Variants in GCNT2 observed in about 807,000 individuals in gnomAD.
The protein encoded by GCNT2 is N-acetyllactosaminide beta-1,6-N-acetylglucosaminyl-transferase.
In GCNT2, 34 loss-of-function variants were observed where a neutral mutation model predicts 34.2. The ratio of observed to expected loss-of-function variants is 1.00; its 90% confidence interval spans 0.76 to 1.32. GCNT2 has a LOEUF of 1.32. Ranked by LOEUF, GCNT2 falls within the 40% of genes most tolerant of loss-of-function variation. The probability of loss-of-function intolerance (pLI) is 0.00; values close to 1 mark genes in which losing one functional copy is unlikely to be tolerated. For synonymous variants in GCNT2, 212 were observed against 188.0 expected, an observed-to-expected ratio of 1.13 and a Z score of -1.04; for missense variants, 584 against 489.4, an observed-to-expected ratio of 1.19 and a Z score of -1.82.
intron 2 of GCNT2, 28 bp from the exon 3 acceptor site, chr6:10,528,603 C>A: frequency 2.4e-6 from 1 of 424,478 alleles, no homozygotes; most frequent in Non-Finnish European, 4.4e-6. Flanking sequence ...GAATCAGAAC[C>A]TCTCTGAGGA....
intron 3 of GCNT2, among the ~76,000 whole-genome samples, chr6:10,589,606 G>T (rs1193880526): frequency 6.6e-6 from 1 of 152,104 alleles, no homozygotes; most frequent in Non-Finnish European, 1.5e-5. Context: ...GTGGCCCTTG[G>T]TTCATGTTCT....
chr6:10,607,050 G>A (rs928088613), intron 3 of GCNT2, among the ~76,000 whole-genome samples: 5 of 151,988 alleles, frequency 3.3e-5, no homozygotes, highest in African/African-American at 1.2e-4. Context: ...GGGTTCAAGC[G>A]ATTCTCCTGC....
chr6:10,568,944 A>G (rs78219276), intron 3 of GCNT2, among the ~76,000 whole-genome samples: 1 of 151,990 alleles, frequency 6.6e-6, no homozygotes, highest in East Asian at 1.9e-4. Flanking sequence ...ATTTTTTCCC[A>G]ATTTTATACC....
At chr6:10,550,501 T>C (rs1762437777) in intron 3 of GCNT2, among the ~76,000 whole-genome samples, 1 of 152,108 alleles carries the variant, frequency 6.6e-6, no homozygotes, top group Admixed American at 6.6e-5. Flanking sequence ...ATTATTATTA[T>C]TATTATTGAG....
At chr6:10,530,993 G>A (rs544524769) in intron 3 of GCNT2, among the ~76,000 whole-genome samples, 2 of 150,244 alleles carry the variant, frequency 1.3e-5, no homozygotes, top group East Asian at 1.9e-4. Context: ...GGCGGAGGTT[G>A]CAGTGAGCCA....
At chr6:10,560,328 C>A (rs539924611) in intron 3 of GCNT2, among the ~76,000 whole-genome samples, 1 of 152,050 alleles carries the variant, frequency 6.6e-6, no homozygotes, top group Admixed American at 6.6e-5. Flanking sequence ...TGAGCTCAGG[C>A]GATCCGCCCA....
intron 3 of GCNT2, among the ~76,000 whole-genome samples, chr6:10,580,197 C>G (rs962812349): frequency 3.3e-5 from 5 of 151,918 alleles, no homozygotes; most frequent in Non-Finnish European, 7.3e-5. Flanking sequence ...TCAGGTTTCT[C>G]ACTTCTCTGA....
rs58031286 is a variant in GCNT2 at position 10,539,557 on chromosome 6, G to A, written c.925+9721G>A. On this transcript the variant is annotated intron_variant, in intron 3 of 4. Coordinates refer to ENST00000495262, the MANE Select transcript of GCNT2 (RefSeq NM_145649.5). ...CCTGATTCTTCATCTATATCCTGGG[G>A]ATAAAATATCTCTTTGTAGGACTGT... Among the ~76,000 whole-genome samples, 553 of 152,084 alleles carry A rather than the reference G, an allele frequency of 3.6e-3. 3 individuals are homozygous for A. The highest frequency in any genetic ancestry group is 0.013 in the African/African-American group (521 of 41,488).
In GCNT2 at chr6:10,627,404, G is replaced by A. The variant is rs1197359483; in HGVS notation, c.*797G>A. The A allele has an allele frequency of 6.6e-6, 1 of 152,142 alleles. No homozygotes were observed. The highest frequency in any genetic ancestry group is 1.5e-5 in the Non-Finnish European group (1 of 68,032). The allele number at this position is 152,142 out of a possible 1,614,324, so 9.4% of individuals were successfully genotyped here. ...TCACATAGATCTAGTCTGAAGTCTG[G>A]AACACTTTCCTCTTCTATGACCCCT... On this transcript the variant is annotated 3_prime_UTR_variant, in exon 5 of 5. Coordinates refer to ENST00000495262, the MANE Select transcript of GCNT2 (RefSeq NM_145649.5).
chr6:10,614,328 G>A (rs1467705696), intron 3 of GCNT2, among the ~76,000 whole-genome samples: 4 of 152,098 alleles, frequency 2.6e-5, no homozygotes, highest in Non-Finnish European at 4.4e-5. Context: ...GTTGGTGCTT[G>A]CTAAGAAGGT....
intron 3 of GCNT2, among the ~76,000 whole-genome samples, chr6:10,619,782 G>C (rs552594341): frequency 6.6e-6 from 1 of 152,332 alleles, no homozygotes; most frequent in East Asian, 1.9e-4. Context: ...ACAAAAGCCT[G>C]ACCAGGCTGA....
At chr6:10,590,433 A>G (rs1481467773) in intron 3 of GCNT2, among the ~76,000 whole-genome samples, 1 of 150,660 alleles carries the variant, frequency 6.6e-6, no homozygotes. Flanking sequence ...TAAGCTCTTC[A>G]TGTGGCATGA....
chr6:10,552,315 A>C (rs1420749907), intron 3 of GCNT2, among the ~76,000 whole-genome samples: 4 of 151,546 alleles, frequency 2.6e-5, no homozygotes, highest in Non-Finnish European at 4.4e-5. Flanking sequence ...AAAAAAAAAA[A>C]ATTTACAAAC....
At chr6:10,566,691 G>A (rs1198874861) in intron 3 of GCNT2, among the ~76,000 whole-genome samples, 1 of 152,198 alleles carries the variant, frequency 6.6e-6, no homozygotes, top group Non-Finnish European at 1.5e-5. Flanking sequence ...TTTACACTTA[G>A]CATACCTCGG....
chr6:10,582,622 A>T (rs984801466), intron 3 of GCNT2, among the ~76,000 whole-genome samples: 11 of 140,754 alleles, frequency 7.8e-5, no homozygotes, highest in South Asian at 2.1e-4. Context: ...AAATATATAT[A>T]TTTTTTTTCC....
chr6:10,523,993 A>C (rs1761063186), intron 1 of GCNT2, among the ~76,000 whole-genome samples: 4 of 149,456 alleles, frequency 2.7e-5, no homozygotes, highest in Admixed American at 6.7e-5. Context: ...AAAAAAAAAA[A>C]CCAAGACTAA....
chr6:10,578,552 T>TTC (rs1763928922), intron 3 of GCNT2, among the ~76,000 whole-genome samples: 1 of 146,506 alleles, frequency 6.8e-6, no homozygotes. Context: ...GTTCATGCCA[T>TTC]TCTCCTGCCT....
chr6:10,589,009 G>GA, intron 3 of GCNT2, among the ~76,000 whole-genome samples: 1 of 143,226 alleles, frequency 7.0e-6, no homozygotes, highest in African/African-American at 2.6e-5. Flanking sequence ...GTGTGTGTGT[G>GA]GTGTGTATAT....
chr6:10,605,836 A>G (rs557452004), intron 3 of GCNT2, among the ~76,000 whole-genome samples: 28 of 152,122 alleles, frequency 1.8e-4, no homozygotes, highest in African/African-American at 6.3e-4. Flanking sequence ...GCTTGAAAAA[A>G]GTTTTTTTGT....
Sources: allele counts gnomAD v4.1 joint callset (sites outside exome capture counted in the v4.1 genomes callset), GRCh38; gene constraint gnomAD v4.1.1; transcripts MANE v1.5; gene names NCBI Gene and HGNC (gene_info 2026-07-23, HGNC 2026-07-21).